The following IQCM variants were observed in gnomAD, a reference collection of about 807,000 sequenced individuals.
IQCM encodes the protein IQ motif containing M, also known as IQ domain-containing protein M.
In IQCM, 45 loss-of-function variants were observed where a neutral mutation model predicts 57.6. That is an observed-to-expected ratio of 0.78 (90% CI 0.62 to 1.00). The LOEUF is 1.00. IQCM is among the 50% of genes least tolerant of loss of function. The probability of loss-of-function intolerance (pLI) is 0.00; values close to 1 mark genes in which losing one functional copy is unlikely to be tolerated. For synonymous variants in IQCM, 148 were observed against 158.9 expected (o/e 0.93, Z 0.51); for missense variants, 468 against 511.6 (o/e 0.91, Z 0.82).
intron 13 of IQCM, among the ~76,000 whole-genome samples, chr4:149,380,722 A>G (rs961863875): frequency 2.0e-5 from 3 of 152,162 alleles, no homozygotes; most frequent in Non-Finnish European, 4.4e-5. Flanking sequence ...GTAAATGTGC[A>G]AAGAGAAAGA....
intron 2 of IQCM, among the ~76,000 whole-genome samples, chr4:149,769,524 T>C (rs1364453864): frequency 6.7e-6 from 1 of 149,334 alleles, no homozygotes; most frequent in Non-Finnish European, 1.5e-5. Flanking sequence ...ACATAAAACC[T>C]AGAGCCCCAA....
intron 12 of IQCM, among the ~76,000 whole-genome samples, chr4:149,508,157 G>C (rs776426510): frequency 3.9e-5 from 6 of 152,012 alleles, no homozygotes; most frequent in African/African-American, 9.7e-5. Context: ...TGCTGCAGGG[G>C]TGGGGCCCTC....
At chr4:149,724,209 A>C (rs189620867) in intron 5 of IQCM, among the ~76,000 whole-genome samples, 200 of 152,168 alleles carry the variant, frequency 1.3e-3, no homozygotes, top group African/African-American at 4.1e-3. Context: ...GATACCAAGG[A>C]ATGATCATAT....
At chr4:149,424,085 G>A (rs575399435) in intron 13 of IQCM, among the ~76,000 whole-genome samples, 1 of 151,908 alleles carries the variant, frequency 6.6e-6, no homozygotes, top group African/African-American at 2.4e-5. Flanking sequence ...TACCTACTAT[G>A]GGCTGAGAAT....
intron 13 of IQCM, among the ~76,000 whole-genome samples, chr4:149,408,692 T>C (rs1006030400): frequency 6.6e-6 from 1 of 152,212 alleles, no homozygotes; most frequent in African/African-American, 2.4e-5. Context: ...ACACATATCA[T>C]TGAATATTAG....
At chr4:149,696,612 T>C (rs1763359984) in intron 5 of IQCM, among the ~76,000 whole-genome samples, 1 of 152,158 alleles carries the variant, frequency 6.6e-6, no homozygotes, top group African/African-American at 2.4e-5. Context: ...ATAATCTATT[T>C]AATGGAACTC....
intron 6 of IQCM, among the ~76,000 whole-genome samples, chr4:149,684,836 C>A (rs576422052): frequency 1.3e-5 from 2 of 151,468 alleles, no homozygotes; most frequent in South Asian, 4.1e-4. Flanking sequence ...AAGTAGGAAA[C>A]AAGTTACCAC....
chr4:149,743,460 T>C (rs1372579581), intron 2 of IQCM, among the ~76,000 whole-genome samples: 1 of 149,836 alleles, frequency 6.7e-6, no homozygotes, highest in Admixed American at 6.7e-5. Flanking sequence ...ATATACTATA[T>C]ATCTATATTC....
intron 13 of IQCM, among the ~76,000 whole-genome samples, chr4:149,402,739 G>T (rs1410423974): frequency 1.3e-5 from 2 of 151,858 alleles, no homozygotes; most frequent in Non-Finnish European, 2.9e-5. Context: ...GAAGTCTGTA[G>T]TTGGAGTATC....
Position 149,493,687 on chromosome 4 carries a change from G to T in IQCM, c.1228+54768C>A, listed in dbSNP as rs141676191. Among the ~76,000 whole-genome samples, 72 of 152,182 alleles carry T rather than the reference G, an allele frequency of 4.7e-4. 3 individuals carry two copies. The highest frequency in any genetic ancestry group is 4.2e-3 in the Admixed American group (64 of 15,266). On this transcript the variant is annotated intron_variant, in intron 12 of 13. Transcript: ENST00000636793. ...CTTTTACCCTTAGGTGACCTCTGCA[G>T]TCTGAGAATGTGTGCATAATAAGAG... is the stretch of plus-strand genomic sequence containing the variant.
chr4:149,369,018 A>ATG (rs1259975881), intron 13 of IQCM, among the ~76,000 whole-genome samples: 1 of 84,420 alleles, frequency 1.2e-5, no homozygotes, highest in Non-Finnish European at 2.3e-5. Context: ...ACACGTGTAT[A>ATG]TATATATATA....
intron 5 of IQCM, among the ~76,000 whole-genome samples, chr4:149,699,566 T>C (rs1763603827): frequency 6.6e-6 from 1 of 151,732 alleles, no homozygotes; most frequent in Admixed American, 6.6e-5. Context: ...CCAATCCTGA[T>C]CTTCCCCCTA....
intron 13 of IQCM, among the ~76,000 whole-genome samples, chr4:149,390,979 A>G (rs1015586906): frequency 2.0e-5 from 3 of 151,884 alleles, no homozygotes; most frequent in Non-Finnish European, 2.9e-5. Flanking sequence ...ACTTCAAAAG[A>G]TAACTACAAA....
chr4:149,570,410 C>T (rs1751043166), intron 9 of IQCM, among the ~76,000 whole-genome samples: 1 of 152,092 alleles, frequency 6.6e-6, no homozygotes, highest in African/African-American at 2.4e-5. Context: ...CCAGCTCGCT[C>T]TTTTCTATAT....
At chr4:149,560,876 C>G (rs1422388173) in intron 10 of IQCM, among the ~76,000 whole-genome samples, 1 of 152,174 alleles carries the variant, frequency 6.6e-6, no homozygotes, top group Non-Finnish European at 1.5e-5. Context: ...GGGACTGCCA[C>G]AGTTCTGACA....
At chr4:149,491,093 G>A (rs1189977387) in intron 12 of IQCM, among the ~76,000 whole-genome samples, 3 of 151,956 alleles carry the variant, frequency 2.0e-5, no homozygotes, top group Non-Finnish European at 4.4e-5. Flanking sequence ...CAATTCCTAG[G>A]CCTAAATTAC....
chr4:149,553,178 A>G lies in IQCM; in HGVS notation c.1058T>C (p.Leu353Ser). 1 of 1,232,042 alleles carries G rather than the reference A, an allele frequency of 8.1e-7. No individual in the cohort carries two copies. The allele number at this position is 1,232,042 out of a possible 1,614,324, so 76.3% of individuals were successfully genotyped here. ...GTCCATCCACTCCTCTAGCTCTGCT[A>G]AGTTGAGAATTTGTCTTGTCCTCCA... ...GLWRTRQILN[L>S]AELEEWMDRK... The change falls in exon 11 of 14, where the codon TTA becomes TCA. Residue 353 changes from leucine (L) to serine (S), a missense_variant. By Grantham distance (145) the Leu-to-Ser change is moderately radical. Transcript: ENST00000636793.
intron 13 of IQCM, among the ~76,000 whole-genome samples, chr4:149,428,918 G>A (rs936498127): frequency 2.0e-5 from 3 of 151,804 alleles, no homozygotes; most frequent in East Asian, 3.9e-4. Flanking sequence ...ACTAGAGGTC[G>A]TTGATATTAC....
chr4:149,599,536 T>C (rs1561043014), intron 8 of IQCM, among the ~76,000 whole-genome samples: 1 of 152,066 alleles, frequency 6.6e-6, no homozygotes, highest in Non-Finnish European at 1.5e-5. Flanking sequence ...TTTTTGAGTA[T>C]TATTCCTTCA....
Sources: gnomAD v4.1 joint callset for allele counts (sites outside exome capture counted in the v4.1 genomes callset) on GRCh38, gnomAD v4.1.1 for gene constraint, MANE v1.5 for transcripts, NCBI Gene and HGNC (gene_info 2026-07-23, HGNC 2026-07-21) for gene names.